LRRFIP1: variants seen among roughly 807,000 people sequenced by gnomAD.
LRRFIP1 encodes the protein LRR binding FLII interacting protein 1, also known as leucine-rich repeat flightless-interacting protein 1.
Under a neutral mutation model 104.4 loss-of-function variants are expected in LRRFIP1, and 62 were observed. The observed-to-expected ratio is 0.59, with a 90% confidence interval of 0.48 to 0.73. LRRFIP1 has a LOEUF of 0.73. Ranked by LOEUF, LRRFIP1 falls within the 30% of genes least tolerant of loss-of-function variation. The pLI is 0.00. For missense variants in LRRFIP1, 796 were observed against 824.5 expected (o/e 0.97, Z 0.42); for synonymous variants, 300 against 299.0 (o/e 1.00, Z -0.03).
At chr2:237,748,968 G>A (rs10182086) in intron 12 of LRRFIP1, among the ~76,000 whole-genome samples, 3,448 of 152,238 alleles carry the variant, frequency 0.023, 141 homozygotes, top group African/African-American at 0.078. Context: ...CAAGGCGACA[G>A]GAGAGAGAAC....
At chr2:237,665,169 CAATG>C (rs1343494068) in intron 1 of LRRFIP1, among the ~76,000 whole-genome samples, 1 of 151,690 alleles carries the variant, frequency 6.6e-6, no homozygotes, top group East Asian at 1.9e-4. Context: ...TTTTTAAAAT[CAATG>C]AAACTAAAAT....
At chr2:237,659,162 C>G (rs1251830943) in intron 1 of LRRFIP1, among the ~76,000 whole-genome samples, 2 of 152,118 alleles carry the variant, frequency 1.3e-5, no homozygotes, top group Non-Finnish European at 2.9e-5. Flanking sequence ...GGTGCCATCA[C>G]AGCTTACTGC....
intron 6 of LRRFIP1, among the ~76,000 whole-genome samples, chr2:237,722,936 A>G (rs867390114): frequency 7.9e-5 from 12 of 152,150 alleles, no homozygotes; most frequent in East Asian, 5.8e-4. Context: ...CTCTATTTCT[A>G]TGCGGGGCCA....
At chr2:237,776,840 T>C (rs1405046479) in intron 23 of LRRFIP1, among the ~76,000 whole-genome samples, 2 of 152,202 alleles carry the variant, frequency 1.3e-5, no homozygotes, top group Admixed American at 6.5e-5. Context: ...TGGCTCTTAG[T>C]TGAATCTGGA....
chr2:237,665,057 A>G (rs933491535), intron 1 of LRRFIP1, among the ~76,000 whole-genome samples: 3 of 152,352 alleles, frequency 2.0e-5, no homozygotes, highest in South Asian at 4.1e-4. Flanking sequence ...TCACTTTAAG[A>G]ATACTTATAA....
intron 19 of LRRFIP1, 40 bp from the exon 20 acceptor site, chr2:237,769,903 C>T (rs759036223): frequency 6.0e-6 from 9 of 1,504,872 alleles, no homozygotes; most frequent in South Asian, 2.4e-5. Flanking sequence ...AGGCGCGGCA[C>T]GCGGATTCAC....
At chr2:237,700,818 G>A (rs1288758052) in intron 1 of LRRFIP1, among the ~76,000 whole-genome samples, 1 of 152,174 alleles carries the variant, frequency 6.6e-6, no homozygotes. Flanking sequence ...GGAGGTGGGA[G>A]CCGCCTCTGG....
At chr2:237,633,402 A>G (rs2082667038) in intron 1 of LRRFIP1, among the ~76,000 whole-genome samples, 1 of 152,132 alleles carries the variant, frequency 6.6e-6, no homozygotes, top group Non-Finnish European at 1.5e-5. Flanking sequence ...CTGGTCCCCA[A>G]CGGCCCTGGG....
intron 1 of LRRFIP1, among the ~76,000 whole-genome samples, chr2:237,633,108 G>A (rs1297939583): frequency 1.3e-5 from 2 of 152,164 alleles, no homozygotes; most frequent in African/African-American, 4.8e-5. Flanking sequence ...ACACAGGACT[G>A]TCCAGCCTGA....
Position 237,698,464 on chromosome 2 carries a change from G to A in LRRFIP1, c.97-10080G>A, listed in dbSNP as rs141711002. On this transcript the variant is annotated intron_variant, in intron 1 of 23. Transcript: ENST00000308482. ...CTGAGAACAGTGCAGCCATAGCTGAGAGAAGCAGTCGGCACCCAGCATTTC... is the reference window on the plus strand; with the variant it reads ...CTGAGAACAGTGCAGCCATAGCTGAAAGAAGCAGTCGGCACCCAGCATTTC... 1.7e-3 allele frequency among the ~76,000 whole-genome samples: 265 copies of A among 152,374 alleles called. 1 individual carries two copies. Among genetic ancestry groups the A allele is most frequent in the African/African-American group, 6.2e-3 (258 of 41,588 alleles).
chr2:237,681,606 A>T (rs549054887), intron 1 of LRRFIP1, among the ~76,000 whole-genome samples: 4 of 149,056 alleles, frequency 2.7e-5, no homozygotes, highest in Non-Finnish European at 4.5e-5. Context: ...ACCGCAGGTG[A>T]TCTGCCTGCC....
At chr2:237,704,333 T>C (rs1340072880) in intron 1 of LRRFIP1, among the ~76,000 whole-genome samples, 1 of 151,988 alleles carries the variant, frequency 6.6e-6, no homozygotes, top group East Asian at 1.9e-4. Flanking sequence ...TTTGTATTTT[T>C]AGTAGAGACA....
intron 11 of LRRFIP1, among the ~76,000 whole-genome samples, chr2:237,747,272 C>T (rs2150575244): frequency 6.6e-6 from 1 of 152,310 alleles, no homozygotes; most frequent in African/African-American, 2.4e-5. Context: ...TTTAGTGTTG[C>T]TCCAGGTGTC....
chr2:237,749,092 G>C (rs1258171287), intron 12 of LRRFIP1, 107 bp from the exon 13 acceptor site: 2 of 1,207,408 alleles, frequency 1.7e-6, no homozygotes, highest in South Asian at 2.9e-5. Context: ...CTCCCACCAG[G>C]GCCGTCCCTC....
chr2:237,675,350 A>G (rs1424447715), intron 1 of LRRFIP1, among the ~76,000 whole-genome samples: 1 of 152,186 alleles, frequency 6.6e-6, no homozygotes, highest in African/African-American at 2.4e-5. Context: ...TGATTGATAC[A>G]CTATATCAGG....
rs541856021 is a variant in LRRFIP1, at chr2:237,708,580, G to A, written c.133G>A (p.Ala45Thr). 40 of 1,597,580 alleles carry A rather than the reference G, an allele frequency of 2.5e-5. No individual in the cohort carries two copies. The highest frequency in any genetic ancestry group is 4.5e-5 in the East Asian group (2 of 44,406). ...GCTCGCTGCAAAACGGGCGGCCCGC[G>A]CGGAGGCTCGCGAGATCCGCATGAA... Reference protein sequence around the residue: ...ARLAAKRAARAEAREIRMKEL... With the variant: ...ARLAAKRAARTEAREIRMKEL... Residue 45 changes from alanine to threonine, a missense_variant, in exon 2 of 24, where the codon GCG (alanine) becomes ACG (threonine). Transcript: ENST00000308482.
chr2:237,678,852 C>T (rs2091478799), intron 1 of LRRFIP1, among the ~76,000 whole-genome samples: 1 of 152,172 alleles, frequency 6.6e-6, no homozygotes, highest in Non-Finnish European at 1.5e-5. Flanking sequence ...CAAACACCTT[C>T]ATTGCACTTA....
At chr2:237,636,344 T>C (rs2083108168) in intron 1 of LRRFIP1, among the ~76,000 whole-genome samples, 1 of 144,028 alleles carries the variant, frequency 6.9e-6, no homozygotes, top group Non-Finnish European at 1.5e-5. Context: ...TTCATTTTCC[T>C]TTCTTTTCTT....
chr2:237,744,396 G>T (rs528814753), intron 11 of LRRFIP1, among the ~76,000 whole-genome samples: 1 of 151,776 alleles, frequency 6.6e-6, no homozygotes, highest in South Asian at 2.1e-4. Context: ...CTTGAGTAGG[G>T]TCTCTCTGGG....
Sources: gnomAD v4.1 joint callset for allele counts (sites outside exome capture counted in the v4.1 genomes callset) on GRCh38, gnomAD v4.1.1 for gene constraint, MANE v1.5 for transcripts, NCBI Gene and HGNC (gene_info 2026-07-23, HGNC 2026-07-21) for gene names.